Variants in SIL1 observed in about 807,000 individuals in gnomAD.
SIL1 encodes nucleotide exchange factor SIL1.
Under a neutral mutation model 49.1 loss-of-function variants are expected in SIL1, and 40 were observed. That is an observed-to-expected ratio of 0.81 (90% CI 0.63 to 1.06). The LOEUF (loss-of-function observed/expected upper bound fraction) is 1.06. Among genes scored for constraint, SIL1 ranks in the 50% least tolerant of loss-of-function variants. The pLI is 0.00. For synonymous variants in SIL1, 253 were observed against 250.8 expected, an observed-to-expected ratio of 1.01 and a Z score of -0.08; for missense variants, 500 against 572.6, an observed-to-expected ratio of 0.87 and a Z score of 1.29.
chr5:139,127,882 G>T, intron 1 of SIL1, 29 bp from the exon 2 acceptor site: 3 of 1,418,360 alleles, frequency 2.1e-6, no homozygotes, highest in Non-Finnish European at 2.9e-6. Context: ...ACAACAGAAG[G>T]TCAATGAAAA....
chr5:138,953,693 CA>C (rs67053110), intron 7 of SIL1, among the ~76,000 whole-genome samples: 62,224 of 152,090 alleles, frequency 0.41, 13,491 homozygotes, highest in African/African-American at 0.58. Flanking sequence ...CCCTGCCCCC[CA>C]CGACTTGAGA....
At chr5:138,960,409 A>G (rs931639660) in intron 7 of SIL1, among the ~76,000 whole-genome samples, 1 of 144,494 alleles carries the variant, frequency 6.9e-6, no homozygotes, top group African/African-American at 2.6e-5. Flanking sequence ...CTACAAATCT[A>G]CGTCTTTTTT....
chr5:139,058,579 G>A (rs993767065), intron 3 of SIL1, among the ~76,000 whole-genome samples: 2 of 152,064 alleles, frequency 1.3e-5, no homozygotes, highest in African/African-American at 2.4e-5. Context: ...GTATGAGTAT[G>A]AACTCATGGA....
intron 3 of SIL1, among the ~76,000 whole-genome samples, chr5:139,094,893 C>A (rs1770420839): frequency 6.6e-6 from 1 of 152,220 alleles, no homozygotes; most frequent in African/African-American, 2.4e-5. Flanking sequence ...TTTATCAAAA[C>A]CATGATAGTT....
intron 1 of SIL1, among the ~76,000 whole-genome samples, chr5:139,180,600 A>G (rs1751966534): frequency 6.6e-6 from 1 of 152,078 alleles, no homozygotes; most frequent in African/African-American, 2.4e-5. Flanking sequence ...CACAATTGAT[A>G]CATACAAAAC....
At chr5:139,141,640 G>A (rs1751082267) in intron 1 of SIL1, among the ~76,000 whole-genome samples, 1 of 152,170 alleles carries the variant, frequency 6.6e-6, no homozygotes, top group African/African-American at 2.4e-5. Flanking sequence ...TTGGGCAATA[G>A]CGAGACCCCT....
intron 3 of SIL1, among the ~76,000 whole-genome samples, chr5:139,099,788 T>TG (rs1410742238): frequency 6.6e-6 from 1 of 151,016 alleles, no homozygotes; most frequent in Non-Finnish European, 1.5e-5. Context: ...GGAAAGGGAG[T>TG]GGGGAAGGGG....
intron 3 of SIL1, among the ~76,000 whole-genome samples, chr5:139,054,634 G>C (rs1468735929): frequency 6.6e-6 from 1 of 152,074 alleles, no homozygotes; most frequent in East Asian, 1.9e-4. Flanking sequence ...TTTGACCAAA[G>C]TTAGAAATGG....
intron 3 of SIL1, among the ~76,000 whole-genome samples, chr5:139,083,744 A>G (rs1770146510): frequency 2.0e-4 from 2 of 10,136 alleles, no homozygotes; most frequent in Admixed American, 8.5e-4. Flanking sequence ...TTTGGACATG[A>G]AGTCCTTGCC....
In SIL1 at chr5:139,056,099, T is replaced by C. The variant is rs537047742; in HGVS notation, c.245-5053A>G. On this transcript the variant is annotated intron_variant, in intron 3 of 9. Coordinates refer to ENST00000394817, the MANE Select transcript of SIL1 (RefSeq NM_022464.5). ...GCCTCTGCCCGGCCGCCACCCCGTC[T>C]GGGAAGTGAGGAGCGTCTCTGCTTG... Among the ~76,000 whole-genome samples, 834 of 151,504 alleles carry C rather than the reference T, an allele frequency of 5.5e-3. 2 individuals are homozygous for C. The highest frequency in any genetic ancestry group is 0.019 in the African/African-American group (799 of 41,298).
At chr5:139,046,764 C>T (rs1412044105) in intron 4 of SIL1, among the ~76,000 whole-genome samples, 2 of 152,210 alleles carry the variant, frequency 1.3e-5, no homozygotes, top group Non-Finnish European at 2.9e-5. Flanking sequence ...CCAGGGATCT[C>T]AGTGAGGATA....
intron 3 of SIL1, among the ~76,000 whole-genome samples, chr5:139,118,897 C>G (rs1385806069): frequency 1.3e-5 from 2 of 152,144 alleles, no homozygotes; most frequent in African/African-American, 2.4e-5. Context: ...CCAGAACAAG[C>G]CTCCCACCTA....
Position 139,005,596 on chromosome 5 carries a change from T to TC in SIL1, c.767+15574dup, listed in dbSNP as rs1410053355. Among the ~76,000 whole-genome samples the TC allele has an allele frequency of 3.0e-3, 277 of 91,208 alleles. 1 individual carries two copies. Among genetic ancestry groups the TC allele is most frequent in the Non-Finnish European group, 4.6e-3 (220 of 47,412 alleles). The allele number at this position is 91,208 out of a possible 152,430, so 59.8% of individuals were successfully genotyped here. On this transcript the variant is annotated intron_variant, in intron 7 of 9. Coordinates refer to ENST00000394817, the MANE Select transcript of SIL1 (RefSeq NM_022464.5). Reference sequence around the variant, plus strand: ...TAGGTATATCTCCCAATGCTATCCCTCCCCCCTCCCCCCACCCCACCACAG... The same window carrying TC: ...TAGGTATATCTCCCAATGCTATCCCTCCCCCCCTCCCCCCACCCCACCACAG...
At chr5:139,018,675 A>G (rs1046515856) in intron 7 of SIL1, among the ~76,000 whole-genome samples, 1 of 152,050 alleles carries the variant, frequency 6.6e-6, no homozygotes, top group Non-Finnish European at 1.5e-5. Context: ...TGAGGAAGAT[A>G]AAGGTTTTTA....
chr5:139,170,290 C>G (rs571744281), intron 1 of SIL1, among the ~76,000 whole-genome samples: 1 of 152,082 alleles, frequency 6.6e-6, no homozygotes, highest in Non-Finnish European at 1.5e-5. Context: ...GGCCGCCACC[C>G]CGTCTGGGAA....
chr5:139,099,506 C>A (rs749095002), intron 3 of SIL1, among the ~76,000 whole-genome samples: 2 of 152,036 alleles, frequency 1.3e-5, no homozygotes, highest in Non-Finnish European at 2.9e-5. Flanking sequence ...TTCACAATAG[C>A]CAACATTGGA....
chr5:139,013,133 C>T (rs1768321684), intron 7 of SIL1, among the ~76,000 whole-genome samples: 1 of 152,146 alleles, frequency 6.6e-6, no homozygotes, highest in Non-Finnish European at 1.5e-5. Flanking sequence ...TTGCTGATTG[C>T]AAGTCTATTA....
intron 1 of SIL1, among the ~76,000 whole-genome samples, chr5:139,139,707 A>G (rs1018690784): frequency 5.3e-5 from 8 of 152,180 alleles, no homozygotes; most frequent in Admixed American, 4.6e-4. Context: ...AAAGAAAAGG[A>G]CAGGCGCAGT....
chr5:138,998,756 A>G (rs1028633200), intron 7 of SIL1, among the ~76,000 whole-genome samples: 1 of 151,446 alleles, frequency 6.6e-6, no homozygotes, highest in Non-Finnish European at 1.5e-5. Context: ...CTGTGATCCA[A>G]TTACTCTCCC....
Sources: gnomAD v4.1 joint callset for allele counts (sites outside exome capture counted in the v4.1 genomes callset) on GRCh38, gnomAD v4.1.1 for gene constraint, MANE v1.5 for transcripts, NCBI Gene and HGNC (gene_info 2026-07-23, HGNC 2026-07-21) for gene names.